NAALADL2: variants seen among roughly 807,000 people sequenced by gnomAD.
The protein encoded by NAALADL2 is N-acetylated alpha-linked acidic dipeptidase like 2.
NAALADL2 carries 76 observed loss-of-function variants against 87.2 expected under a neutral mutation model. The ratio of observed to expected loss-of-function variants is 0.87; its 90% CI spans 0.72 to 1.05. The LOEUF is 1.05. Among genes scored for constraint, NAALADL2 ranks in the 50% least tolerant of loss-of-function variants. NAALADL2 has a pLI of 0.00. For missense variants in NAALADL2, 1,089 were observed against 945.8 expected (o/e 1.15, Z -1.99); for synonymous variants, 354 against 331.0 (o/e 1.07, Z -0.75).
At chr3:175,344,917 G>A (rs576371763) in intron 5 of NAALADL2, among the ~76,000 whole-genome samples, 2 of 152,042 alleles carry the variant, frequency 1.3e-5, no homozygotes, top group Admixed American at 6.6e-5. Context: ...TATTATCGCT[G>A]TTATTAATCC....
chr3:174,712,338 T>C (rs1283826072), intron 2 of NAALADL2, among the ~76,000 whole-genome samples: 2 of 151,500 alleles, frequency 1.3e-5, no homozygotes, highest in African/African-American at 4.8e-5. Flanking sequence ...TCAAGAAAGG[T>C]CTACTCATAT....
chr3:175,364,282 C>T lies in NAALADL2; in HGVS notation c.1090+39957C>T, dbSNP rs1251445966. Among the ~76,000 whole-genome samples, 13 of 147,454 alleles carry T rather than the reference C, an allele frequency of 8.8e-5. 4 individuals carry two copies. In the South Asian group the frequency reaches 8.9e-4, roughly 10 times the overall value. On this transcript the variant is annotated intron_variant, in intron 5 of 13. Transcript: ENST00000454872. Reference sequence around the variant, plus strand: ...TCAGAAAATATGTCTTTTTCCTCTGCGTAAAACAAAACCAAAAGAACAGTT... The same window carrying T: ...TCAGAAAATATGTCTTTTTCCTCTGTGTAAAACAAAACCAAAAGAACAGTT...
At chr3:175,458,201 A>C (rs1452516715) in intron 6 of NAALADL2, among the ~76,000 whole-genome samples, 1 of 151,918 alleles carries the variant, frequency 6.6e-6, no homozygotes, top group East Asian at 1.9e-4. Context: ...TGTCTAGAAA[A>C]CCAGATCTGG....
intron 13 of NAALADL2, among the ~76,000 whole-genome samples, chr3:175,800,172 G>A (rs1753976876): frequency 6.6e-6 from 1 of 152,106 alleles, no homozygotes; most frequent in African/African-American, 2.4e-5. Context: ...TGGTGATGAG[G>A]CAGGTGGAGT....
chr3:174,442,714 A>T (rs977942710), intron 1 of NAALADL2, among the ~76,000 whole-genome samples: 2 of 152,188 alleles, frequency 1.3e-5, no homozygotes, highest in Non-Finnish European at 2.9e-5. Context: ...ATTCTAGTGG[A>T]GGGAGACAGT....
intron 9 of NAALADL2, among the ~76,000 whole-genome samples, chr3:175,504,928 G>A (rs996231518): frequency 6.6e-6 from 1 of 152,156 alleles, no homozygotes; most frequent in Non-Finnish European, 1.5e-5. Context: ...GAGTAGGAAG[G>A]ATGTGACGGC....
At chr3:175,285,038 A>G (rs1463109775) in intron 4 of NAALADL2, among the ~76,000 whole-genome samples, 2 of 152,062 alleles carry the variant, frequency 1.3e-5, no homozygotes, top group African/African-American at 4.8e-5. Flanking sequence ...TATTATGTGC[A>G]CCTTTATGGA....
intron 1 of NAALADL2, among the ~76,000 whole-genome samples, chr3:174,463,259 T>G (rs1373441346): frequency 6.6e-6 from 1 of 152,142 alleles, no homozygotes; most frequent in African/African-American, 2.4e-5. Context: ...CTATCTCTGC[T>G]CAGTATACTT....
intron 2 of NAALADL2, among the ~76,000 whole-genome samples, chr3:174,731,811 A>C (rs1204512623): frequency 6.6e-6 from 1 of 152,162 alleles, no homozygotes; most frequent in African/African-American, 2.4e-5. Flanking sequence ...ATCAAACCAC[A>C]ATGCTTAAGA....
At chr3:175,038,882 T>C (rs1753729224) in intron 1 of NAALADL2, among the ~76,000 whole-genome samples, 1 of 152,106 alleles carries the variant, frequency 6.6e-6, no homozygotes, top group African/African-American at 2.4e-5. Context: ...TAATATTGCG[T>C]TGGGACCAGA....
intron 5 of NAALADL2, among the ~76,000 whole-genome samples, chr3:175,324,725 A>G (rs1760468511): frequency 6.6e-6 from 1 of 152,194 alleles, no homozygotes; most frequent in African/African-American, 2.4e-5. Context: ...TCCAGGGTTT[A>G]GAGGTACATA....
At chr3:174,460,924 A>G (rs1716178072) in intron 1 of NAALADL2, among the ~76,000 whole-genome samples, 1 of 151,982 alleles carries the variant, frequency 6.6e-6, no homozygotes, top group South Asian at 2.1e-4. Context: ...TAATTCCTGG[A>G]ATTTTTCCCT....
At chr3:175,603,995 AAACAACAAC>A (rs938932347) in intron 10 of NAALADL2, among the ~76,000 whole-genome samples, 1 of 152,072 alleles carries the variant, frequency 6.6e-6, no homozygotes, top group Non-Finnish European at 1.5e-5. Flanking sequence ...CCTGAAAGAA[AAACAACAAC>A]AACAACAACA....
intron 4 of NAALADL2, among the ~76,000 whole-genome samples, chr3:175,320,288 T>C (rs1467822090): frequency 6.6e-6 from 1 of 152,256 alleles, no homozygotes. Flanking sequence ...ATTGTCAAGT[T>C]CTTCTGTTCC....
At chr3:175,591,513 G>A (rs961686122) in intron 10 of NAALADL2, among the ~76,000 whole-genome samples, 20 of 151,960 alleles carry the variant, frequency 1.3e-4, no homozygotes, top group African/African-American at 4.6e-4. Context: ...CAAACAATGT[G>A]CAGAACACTA....
intron 1 of NAALADL2, chr3:174,459,692 T>C (rs1461076052): frequency 1.3e-5 from 2 of 152,168 alleles, no homozygotes; most frequent in Non-Finnish European, 2.9e-5. Flanking sequence ...CAAAGATAGT[T>C]TCTTCACTTG....
intron 2 of NAALADL2, among the ~76,000 whole-genome samples, chr3:175,148,085 G>GATAATAATA (rs777909114): frequency 0.066 from 7,246 of 110,124 alleles, 211 homozygotes; most frequent in East Asian, 0.13. Flanking sequence ...TAATAATAAT[G>GATAATAATA]ATAATGATAA....
chr3:174,851,952 C>T (rs1725307600), intron 3 of NAALADL2, among the ~76,000 whole-genome samples: 8 of 152,030 alleles, frequency 5.3e-5, no homozygotes, highest in Admixed American at 5.2e-4. Context: ...TGATACATTA[C>T]TTTAACAGAA....
chr3:174,890,540 C>T (rs552620859), intron 1 of NAALADL2, among the ~76,000 whole-genome samples: 5 of 152,102 alleles, frequency 3.3e-5, no homozygotes, highest in African/African-American at 1.2e-4. Context: ...ACAGACAGAA[C>T]AATTGATAAT....
Sources: gnomAD v4.1 joint callset for allele counts (sites outside exome capture counted in the v4.1 genomes callset) on GRCh38, gnomAD v4.1.1 for gene constraint, MANE v1.5 for transcripts, NCBI Gene and HGNC (gene_info 2026-07-23, HGNC 2026-07-21) for gene names.